The following SGCZ variants were observed in gnomAD, a reference collection of about 807,000 sequenced individuals.
SGCZ encodes sarcoglycan zeta.
SGCZ carries 40 observed loss-of-function variants against 41.3 expected under a neutral mutation model. The ratio of observed to expected loss-of-function variants is 0.97; its 90% confidence interval spans 0.75 to 1.26. The LOEUF is 1.26. SGCZ is among the 50% of genes most tolerant of loss of function. The pLI is 0.00. For missense variants in SGCZ, 552 were observed against 369.8 expected, an observed-to-expected ratio of 1.49 and a Z score of -4.04; for synonymous variants, 206 against 137.5, an observed-to-expected ratio of 1.50 and a Z score of -3.49.
chr8:14,950,263 A>C (rs1255633657), intron 1 of SGCZ, among the ~76,000 whole-genome samples: 3 of 152,108 alleles, frequency 2.0e-5, no homozygotes, highest in South Asian at 4.1e-4. Context: ...AAGTAGGAAC[A>C]AACCAAATGA....
At chr8:14,871,872 G>T (rs1005924339) in intron 1 of SGCZ, among the ~76,000 whole-genome samples, 3 of 148,856 alleles carry the variant, frequency 2.0e-5, no homozygotes, top group African/African-American at 7.6e-5. Context: ...GTATATATAT[G>T]TATGTATATA....
intron 1 of SGCZ, among the ~76,000 whole-genome samples, chr8:15,222,813 G>A (rs1234918091): frequency 2.0e-5 from 3 of 151,930 alleles, no homozygotes; most frequent in African/African-American, 4.8e-5. Flanking sequence ...GTGTGTGTGT[G>A]TGACTAAATA....
chr8:14,618,978 T>G (rs970191037), intron 1 of SGCZ, among the ~76,000 whole-genome samples: 1 of 152,084 alleles, frequency 6.6e-6, no homozygotes, highest in Admixed American at 6.6e-5. Flanking sequence ...AAATCTAGTT[T>G]TCTCTTTTAG....
chr8:14,645,483 T>TATATATATATATATAA (rs1563175671), intron 1 of SGCZ, among the ~76,000 whole-genome samples: 1 of 106,060 alleles, frequency 9.4e-6, no homozygotes, highest in East Asian at 2.7e-4. Context: ...TATATTTATA[T>TATATATATATATATAA]GTATATATAT....
In SGCZ at chr8:14,510,707, G is replaced by A. The variant is rs185988905; in HGVS notation, c.234+44025C>T. Among the ~76,000 whole-genome samples, 99 of 152,216 alleles carry A rather than the reference G, an allele frequency of 6.5e-4. 1 individual carries two copies. Among genetic ancestry groups the A allele is most frequent in the African/African-American group, 2.4e-3 (99 of 41,566 alleles). ...ATAAATATTTCTCCTTGATTGACAA[G>A]GAAAAGAATCTGTCTCTCCTTCCCT... is the stretch of plus-strand genomic sequence containing the variant. On this transcript the variant is annotated intron_variant, in intron 2 of 7. Transcript: ENST00000382080.
chr8:14,286,982 T>C (rs1483954853), intron 3 of SGCZ, among the ~76,000 whole-genome samples: 1 of 152,020 alleles, frequency 6.6e-6, no homozygotes, highest in Non-Finnish European at 1.5e-5. Flanking sequence ...TTAGTTTTTT[T>C]CCCCTACTTG....
chr8:14,402,287 G>T (rs1017270891), intron 2 of SGCZ, among the ~76,000 whole-genome samples: 1 of 151,220 alleles, frequency 6.6e-6, no homozygotes, highest in African/African-American at 2.5e-5. Flanking sequence ...AAGCTCTTGA[G>T]TTTAATTAGA....
chr8:14,294,789 T>C (rs755525458), intron 3 of SGCZ, among the ~76,000 whole-genome samples: 32 of 152,070 alleles, frequency 2.1e-4, no homozygotes, highest in African/African-American at 7.2e-4. Context: ...ATCTAAAACA[T>C]AGATGTCACA....
At chr8:15,026,358 C>T (rs1264460446) in intron 1 of SGCZ, among the ~76,000 whole-genome samples, 1 of 151,990 alleles carries the variant, frequency 6.6e-6, no homozygotes, top group Non-Finnish European at 1.5e-5. Context: ...TTTTCCGGAA[C>T]AGAAAAGAGT....
intron 1 of SGCZ, among the ~76,000 whole-genome samples, chr8:14,799,758 C>G (rs1349022063): frequency 1.3e-5 from 2 of 152,054 alleles, no homozygotes; most frequent in African/African-American, 4.8e-5. Context: ...GCAACCTTCT[C>G]TAAAACCTCA....
chr8:14,775,988 G>C (rs1212032109), intron 1 of SGCZ, among the ~76,000 whole-genome samples: 5 of 151,934 alleles, frequency 3.3e-5, no homozygotes, highest in Non-Finnish European at 7.4e-5. Context: ...AGCCCATCGT[G>C]GAAACACAGA....
chr8:14,911,211 A>T (rs1585371459), intron 1 of SGCZ, among the ~76,000 whole-genome samples: 1 of 152,170 alleles, frequency 6.6e-6, no homozygotes, highest in East Asian at 1.9e-4. Context: ...TGTCAAAGTA[A>T]TCACCATGGT....
intron 1 of SGCZ, among the ~76,000 whole-genome samples, chr8:14,749,830 A>C: frequency 6.6e-6 from 1 of 152,308 alleles, no homozygotes; most frequent in South Asian, 2.1e-4. Flanking sequence ...TTTAAAAATT[A>C]ACTAAACACA....
chr8:14,851,464 C>A (rs1440046431), intron 1 of SGCZ, among the ~76,000 whole-genome samples: 1 of 150,144 alleles, frequency 6.7e-6, no homozygotes, highest in Non-Finnish European at 1.5e-5. Flanking sequence ...AATTAATACA[C>A]TGATATTTAA....
chr8:15,105,271 C>A (rs1451047562), intron 1 of SGCZ, among the ~76,000 whole-genome samples: 5 of 152,088 alleles, frequency 3.3e-5, no homozygotes, highest in South Asian at 2.1e-4. Flanking sequence ...GTATTTTCGA[C>A]CTTGTCCATG....
intron 1 of SGCZ, among the ~76,000 whole-genome samples, chr8:14,618,206 C>A (rs887847932): frequency 2.6e-5 from 4 of 151,990 alleles, no homozygotes; most frequent in African/African-American, 4.8e-5. Context: ...TAACGAAAGA[C>A]ATAACAACCA....
chr8:14,568,424 A>C (rs562814310), intron 1 of SGCZ, among the ~76,000 whole-genome samples: 6 of 142,166 alleles, frequency 4.2e-5, no homozygotes, highest in Non-Finnish European at 9.0e-5. Flanking sequence ...TCGTTTTGAA[A>C]AAAAAAAAAT....
chr8:14,308,841 T>C (rs1348165944), intron 3 of SGCZ, among the ~76,000 whole-genome samples: 1 of 152,066 alleles, frequency 6.6e-6, no homozygotes, highest in Non-Finnish European at 1.5e-5. Flanking sequence ...ACAAAACTAA[T>C]GGGAAAGAAT....
chr8:14,186,830 G>A (rs1804918128), intron 4 of SGCZ, among the ~76,000 whole-genome samples: 1 of 152,178 alleles, frequency 6.6e-6, no homozygotes, highest in South Asian at 2.1e-4. Flanking sequence ...ATATTGCTAG[G>A]CTACAGGGTA....
Sources: gnomAD v4.1 joint callset for allele counts (sites outside exome capture counted in the v4.1 genomes callset) on GRCh38, gnomAD v4.1.1 for gene constraint, MANE v1.5 for transcripts, NCBI Gene and HGNC (gene_info 2026-07-23, HGNC 2026-07-21) for gene names.